PGAP2: variants seen among roughly 807,000 people sequenced by gnomAD.
PGAP2 encodes acyltransferase PGAP2.
Under a neutral mutation model 33.2 loss-of-function variants are expected in PGAP2, and 21 were observed. That is an observed-to-expected ratio of 0.63 (90% CI 0.45 to 0.91). PGAP2 has a LOEUF of 0.91. Among genes scored for constraint, PGAP2 ranks in the 40% least tolerant of loss-of-function variants. The pLI is 0.00. For synonymous variants in PGAP2, 161 were observed against 172.9 expected, an observed-to-expected ratio of 0.93 and a Z score of 0.54; for missense variants, 345 against 424.0, an observed-to-expected ratio of 0.81 and a Z score of 1.64.
rs116804250 is a variant in PGAP2, at chr11:3,815,794, A to G, written c.166-1559A>G. 2.6e-3 allele frequency among the ~76,000 whole-genome samples: 400 copies of G among 152,286 alleles called. 1 individual carries two copies. The highest frequency in any genetic ancestry group is 8.8e-3 in the African/African-American group (364 of 41,554). ...GTTTCTGCACAGGTACAGGCTGAAC[A>G]TCGATATCTCATATTCAGGCTTGTT... On this transcript the variant is annotated intron_variant, in intron 2 of 6. Coordinates refer to ENST00000278243, the MANE Select transcript of PGAP2 (RefSeq NM_014489.4).
At chr11:3,806,205 G>C (rs1378492724), upstream of PGAP2, among the ~76,000 whole-genome samples, 2 of 152,030 alleles carry the variant, frequency 1.3e-5, no homozygotes, top group Non-Finnish European at 2.9e-5. Context: ...AACAGACAAG[G>C]TGTCAAGATA....
chr11:3,818,871 G>A (rs922040320), intron 3 of PGAP2, among the ~76,000 whole-genome samples: 5 of 152,168 alleles, frequency 3.3e-5, no homozygotes, highest in Admixed American at 6.5e-5. Context: ...GGCACTTCAC[G>A]CAGCTTGGAC....
At chr11:3,814,753 T>TTTTCC (rs2086429853) in intron 2 of PGAP2, among the ~76,000 whole-genome samples, 1 of 60,596 alleles carries the variant, frequency 1.7e-5, no homozygotes. Flanking sequence ...CCTTCTTTTC[T>TTTTCC]TTCTTTCTTT....
chr11:3,822,969 T>C lies in PGAP2; in HGVS notation c.349-914T>C, dbSNP rs933626934. ...TGGATGGTGGAGATGCACAAGAACA[T>C]GGTCATTTCCTTAGACTACCCCAGG... On this transcript the variant is annotated intron_variant, in intron 3 of 6. Transcript: ENST00000278243. 4.6e-6 allele frequency: 7 copies of C among 1,535,192 alleles called. No homozygotes were observed. In the South Asian group the frequency reaches 8.5e-5, roughly 19 times the overall value.
intron 3 of PGAP2, chr11:3,822,855 C>G: frequency 9.9e-7 from 1 of 1,012,218 alleles, no homozygotes; most frequent in Non-Finnish European, 1.5e-6. Flanking sequence ...ACCTCTCAAA[C>G]AAGCAAGACA....
intron 3 of PGAP2, chr11:3,818,062 T>TAAA (rs112928434): frequency 0.042 from 8,936 of 211,430 alleles, 22 homozygotes; most frequent in South Asian, 0.078. Flanking sequence ...CAAAACAAAA[T>TAAA]AAAAAAAAAA....
At chr11:3,816,110 T>C (rs2086950902) in intron 2 of PGAP2, 1 of 152,490 alleles carries the variant, frequency 6.6e-6, no homozygotes, top group South Asian at 2.1e-4. Context: ...CTGGGAAGGA[T>C]GTGTGCCTGG....
At chr11:3,818,057 C>CAAAAAAAA (rs879534196) in intron 3 of PGAP2, 54 of 150,810 alleles carry the variant, frequency 3.6e-4, no homozygotes, top group South Asian at 7.0e-4. Flanking sequence ...AAAAACAAAA[C>CAAAAAAAA]AAAATAAAAA....
exon 1 of PGAP2, chr11:3,797,974 A>G: frequency 6.5e-7 from 1 of 1,546,682 alleles, no homozygotes; most frequent in Non-Finnish European, 8.7e-7. Flanking sequence ...ACGGCCCCAG[A>G]ATGGCATGGT....
chr11:3,803,797 A>ATT (rs3986442), upstream of PGAP2, among the ~76,000 whole-genome samples: 95 of 144,838 alleles, frequency 6.6e-4, no homozygotes, highest in East Asian at 4.2e-3. Flanking sequence ...ATATATATAT[A>ATT]TTTTTTTTTT....
At chr11:3,821,231 C>T (rs761427675) in intron 3 of PGAP2, among the ~76,000 whole-genome samples, 3 of 152,228 alleles carry the variant, frequency 2.0e-5, no homozygotes, top group African/African-American at 4.8e-5. Flanking sequence ...CCCTATGAGC[C>T]GCCTGCAGCA....
chr11:3,808,072 C>G (rs1243271228), upstream of PGAP2: 1 of 1,422,092 alleles, frequency 7.0e-7, no homozygotes, highest in Non-Finnish European at 9.2e-7. Flanking sequence ...CTCACCGGGT[C>G]TCACTGCCTG....
rs1345470877 is a variant in PGAP2 at position 3,803,235 on chromosome 11, C to T, written c.140-5059C>T. On this transcript the variant is annotated intron_variant, in intron 1 of 6. Coordinates refer to the PGAP2 transcript ENST00000300730. ...CTTGAACTCCTGACCTCAGATGATC[C>T]GCCCACCTCGGCCTCCCAAAGTGCT... Among the ~76,000 whole-genome samples, 10 of 152,078 alleles carry T rather than the reference C, an allele frequency of 6.6e-5. No homozygotes were observed. The East Asian group carries it at 1.2e-3, about 18-fold the overall frequency.
At chr11:3,808,373 C>T (rs2084826929), upstream of PGAP2, 5 of 1,548,874 alleles carry the variant, frequency 3.2e-6, no homozygotes, top group African/African-American at 5.5e-5. Context: ...AGAGCTCTTC[C>T]GGCTGCCCTC....
upstream of PGAP2, chr11:3,797,742 G>A (rs2082758722): frequency 1.4e-6 from 2 of 1,396,732 alleles, no homozygotes; most frequent in African/African-American, 1.4e-5. Flanking sequence ...GGGAGGCACA[G>A]GGTAGGAGCG....
Position 3,825,636 on chromosome 11 carries a change from C to T in PGAP2, c.*178C>T, listed in dbSNP as rs2089900966. The T allele has an allele frequency of 1.7e-6, 1 of 588,958 alleles. No individual in the cohort carries two copies. The highest frequency in any genetic ancestry group is 2.9e-6 in the Non-Finnish European group (1 of 341,584). 36.5% of individuals were successfully genotyped at this position (588,958 alleles called of 1,614,324 possible). A position where few individuals can be genotyped will look rare whatever the true frequency, so the allele number is the denominator to read the frequency against. ...TGCTGCTGGCTTCTCCTCTCCACCC[C>T]TCATATGGGCGTGGGGTCCTCAAAC... On this transcript the variant is annotated 3_prime_UTR_variant, in exon 7 of 7. Coordinates refer to ENST00000278243, the MANE Select transcript of PGAP2 (RefSeq NM_014489.4).
chr11:3,823,768 T>C (rs1590410701), intron 3 of PGAP2, 115 bp from the exon 4 acceptor site: 1 of 1,598,928 alleles, frequency 6.3e-7, no homozygotes, highest in Non-Finnish European at 8.5e-7. Flanking sequence ...GGAGGACTTC[T>C]TGGAAGGGGA....
At chr11:3,810,405 A>G (rs947748318) in intron 1 of PGAP2, among the ~76,000 whole-genome samples, 1 of 152,148 alleles carries the variant, frequency 6.6e-6, no homozygotes, top group African/African-American at 2.4e-5. Flanking sequence ...TCCCTTCTGT[A>G]TACTGTGCGG....
Position 3,825,634 on chromosome 11 carries a change from CCCT to C in PGAP2, c.*178_*180del. 3 of 610,078 alleles carry C rather than the reference CCCT, an allele frequency of 4.9e-6. No homozygotes were observed. The South Asian group carries it at 6.3e-5, about 13-fold the overall frequency. The allele number at this position is 610,078 out of a possible 1,614,324, so 37.8% of individuals were successfully genotyped here. A position where few individuals can be genotyped will look rare whatever the true frequency, so the allele number is the denominator to read the frequency against. ...AGTGCTGCTGGCTTCTCCTCTCCAC[CCCT>C]CATATGGGCGTGGGGTCCTCAAACA... On this transcript the variant is annotated 3_prime_UTR_variant, in exon 7 of 7. Transcript: ENST00000278243.
Sources: gnomAD v4.1 joint callset for allele counts (sites outside exome capture counted in the v4.1 genomes callset) on GRCh38, gnomAD v4.1.1 for gene constraint, MANE v1.5 for transcripts, NCBI Gene and HGNC (gene_info 2026-07-23, HGNC 2026-07-21) for gene names.